The following MAMDC2 variants were observed in gnomAD, a reference collection of about 807,000 sequenced individuals.
The protein encoded by MAMDC2 is MAM domain-containing protein 2.
In MAMDC2, 57 loss-of-function variants were observed where a neutral mutation model predicts 89.8. That is an observed-to-expected ratio of 0.63 (90% CI 0.51 to 0.79). The LOEUF is 0.79. Ranked by LOEUF, MAMDC2 falls within the 30% of genes least tolerant of loss-of-function variation. MAMDC2 has a pLI of 0.00. For synonymous variants in MAMDC2, 313 were observed against 293.4 expected (o/e 1.07, Z -0.68); for missense variants, 800 against 820.6 (o/e 0.97, Z 0.31).
chr9:70,122,159 AG>A (rs1163748018), intron 5 of MAMDC2, among the ~76,000 whole-genome samples: 3 of 152,226 alleles, frequency 2.0e-5, no homozygotes, highest in Admixed American at 6.5e-5. Flanking sequence ...GGAAAGAAAA[AG>A]GGTACAAGAG....
intron 11 of MAMDC2, among the ~76,000 whole-genome samples, chr9:70,198,082 A>G (rs2033008573): frequency 6.6e-6 from 1 of 151,304 alleles, no homozygotes; most frequent in Non-Finnish European, 1.5e-5. Context: ...ATTGTTGTTT[A>G]TCTCTTACTG....
At chr9:70,070,567 T>C (rs1827379180) in intron 2 of MAMDC2, among the ~76,000 whole-genome samples, 1 of 152,236 alleles carries the variant, frequency 6.6e-6, no homozygotes, top group South Asian at 2.1e-4. Flanking sequence ...GCTAAGCACA[T>C]AGTAGGTGTT....
In MAMDC2 at chr9:70,126,248, G is replaced by A. The variant is rs2030539966; in HGVS notation, c.733G>A (p.Gly245Ser). 6.2e-7 allele frequency: 1 copy of A among 1,614,144 alleles called. No homozygotes were observed. Among genetic ancestry groups the A allele is most frequent in the East Asian group, 2.2e-5 (1 of 44,872 alleles). Residue 245 changes from glycine to serine, a missense_variant, in exon 6 of 14, where the codon GGC (glycine) becomes AGC (serine). Gly to Ser is a moderately conservative substitution (Grantham distance 56, BLOSUM62 0). Transcript: ENST00000377182. ...CCCGTTGACCACGGCCCCCATGGCT[G>A]GCTGCCTGTCATTTTATTACCAGAT... ...ISPLTTAPMA[G>S]CLSFYYQIQQ...
At chr9:70,120,626 G>A (rs1587489009) in intron 5 of MAMDC2, among the ~76,000 whole-genome samples, 1 of 152,186 alleles carries the variant, frequency 6.6e-6, no homozygotes, top group Admixed American at 6.5e-5. Flanking sequence ...AGCTGGGGTA[G>A]GTGCCAGGGG....
chr9:70,099,985 AGAGAGAG>A (rs1828129111), intron 2 of MAMDC2, among the ~76,000 whole-genome samples: 4 of 53,636 alleles, frequency 7.5e-5, no homozygotes, highest in East Asian at 1.3e-3. Flanking sequence ...AAAGAAAGAG[AGAGAGAG>A]AGAGAGAGAG....
At chr9:70,144,565 G>A (rs2031335243) in intron 9 of MAMDC2, among the ~76,000 whole-genome samples, 1 of 152,166 alleles carries the variant, frequency 6.6e-6, no homozygotes, top group Admixed American at 6.5e-5. Flanking sequence ...CAGTCAATCA[G>A]CAAATATCTC....
intron 7 of MAMDC2, among the ~76,000 whole-genome samples, chr9:70,133,668 C>T (rs955478105): frequency 1.3e-5 from 2 of 152,172 alleles, no homozygotes; most frequent in Admixed American, 1.3e-4. Context: ...TGTTATTTAA[C>T]TTCTTTGAGA....
Position 70,226,040 on chromosome 9 carries a change from TC to T in MAMDC2, c.*9del. The T allele has an allele frequency of 6.6e-7, 1 of 1,525,006 alleles. No individual in the cohort carries two copies. Among genetic ancestry groups the T allele is most frequent in the Non-Finnish European group, 9.0e-7 (1 of 1,115,432 alleles). The allele number at this position is 1,525,006 out of a possible 1,614,324, so 94.5% of individuals were successfully genotyped here. On this transcript the variant is annotated 3_prime_UTR_variant, in exon 14 of 14. Transcript: ENST00000377182. The stretch of plus-strand genomic sequence containing the variant: ...AATGAAATTGAGTATTAAGAAATGA[TC>T]TGCATTGGATTTACTAGACGAAAAC...
At chr9:70,114,815 T>A (rs992288137) in intron 5 of MAMDC2, among the ~76,000 whole-genome samples, 1 of 152,182 alleles carries the variant, frequency 6.6e-6, no homozygotes, top group Admixed American at 6.5e-5. Flanking sequence ...ATGTGTCAAG[T>A]GCAATAAGAG....
chr9:70,131,683 G>C (rs2030811263), intron 7 of MAMDC2, 71 bp downstream of exon 7: 1 of 1,096,498 alleles, frequency 9.1e-7, no homozygotes, highest in Admixed American at 2.3e-5. Context: ...GTCAGAACTT[G>C]TTTTAATTGC....
rs1257299466 is a variant in MAMDC2 at position 70,170,539 on chromosome 9, A to G, written c.1559A>G (p.Gln520Arg). 1 of 1,613,256 alleles carries G rather than the reference A, an allele frequency of 6.2e-7. No homozygotes were observed. The highest frequency in any genetic ancestry group is 1.7e-5 in the Admixed American group (1 of 59,972). Residue 520 changes from glutamine to arginine, a missense_variant, in exon 11 of 14, where the codon CAG becomes CGG. Gln to Arg is a conservative substitution (Grantham distance 43). Coordinates refer to ENST00000377182, the MANE Select transcript of MAMDC2 (RefSeq NM_153267.5). ...TFEQDECTFT[Q>R]EKRNRSSWHR... The stretch of plus-strand genomic sequence containing the variant: ...GAGCAAGATGAATGTACATTTACTC[A>G]GGAGAAAAGAAACCGGAGCAGCTGG...
chr9:70,045,920 C>G (rs2117953349), intron 2 of MAMDC2, among the ~76,000 whole-genome samples: 1 of 152,302 alleles, frequency 6.6e-6, no homozygotes, highest in African/African-American at 2.4e-5. Flanking sequence ...CTACTACAGT[C>G]TACTTAGGGG....
intron 8 of MAMDC2, among the ~76,000 whole-genome samples, chr9:70,143,242 A>G (rs1440193165): frequency 1.3e-5 from 2 of 152,128 alleles, no homozygotes; most frequent in African/African-American, 4.8e-5. Context: ...GGCAGCTGGT[A>G]TCTCCAAGAT....
At chr9:70,119,071 T>C (rs144231677) in intron 5 of MAMDC2, among the ~76,000 whole-genome samples, 1 of 152,056 alleles carries the variant, frequency 6.6e-6, no homozygotes, top group African/African-American at 2.4e-5. Flanking sequence ...TTCTTAATTC[T>C]GATTCATCAC....
intron 11 of MAMDC2, among the ~76,000 whole-genome samples, chr9:70,198,816 A>G (rs1028824853): frequency 3.3e-5 from 5 of 152,168 alleles, no homozygotes; most frequent in Admixed American, 2.0e-4. Flanking sequence ...AAATATTAAT[A>G]ACACAATAAA....
chr9:70,149,028 CA>C (rs58600001), intron 9 of MAMDC2, among the ~76,000 whole-genome samples: 5,805 of 69,892 alleles, frequency 0.083, 222 homozygotes, highest in East Asian at 0.23. Context: ...GACTCTGTCT[CA>C]AAAAAAAAAA....
intron 9 of MAMDC2, among the ~76,000 whole-genome samples, chr9:70,162,200 G>A (rs2031997100): frequency 6.6e-6 from 1 of 152,086 alleles, no homozygotes; most frequent in South Asian, 2.1e-4. Flanking sequence ...TACTCTAAAA[G>A]GCAGTGAAAA....
At position 70,140,207 on chromosome 9, in the gene MAMDC2, CA is replaced by C; in HGVS notation, c.1059del (p.Asp354IlefsTer10). On this transcript the variant is annotated frameshift_variant, in exon 8 of 14. Transcript: ENST00000377182. LOFTEE classifies it high-confidence loss of function. ...TGAGCAAGATCTCTGCAACTTTTAC[CA>C]AGATAAAGAAGGTCCAGGTTGGACC... Reference protein sequence around the residue: ...NFEQDLCNFYQDKEGPGWTRV... With the variant: ...NFEQDLCNFYXDKEGPGWTRV... The C allele has an allele frequency of 6.3e-7, 1 of 1,595,008 alleles. No individual in the cohort carries two copies. Among genetic ancestry groups the C allele is most frequent in the Non-Finnish European group, 8.5e-7 (1 of 1,174,144 alleles).
chr9:70,074,581 T>C (rs1827486486), intron 2 of MAMDC2, among the ~76,000 whole-genome samples: 1 of 152,134 alleles, frequency 6.6e-6, no homozygotes, highest in African/African-American at 2.4e-5. Flanking sequence ...TGGCTTGCTT[T>C]CCCAGCCGCC....
Sources: gnomAD v4.1 joint callset for allele counts (sites outside exome capture counted in the v4.1 genomes callset) on GRCh38, gnomAD v4.1.1 for gene constraint, MANE v1.5 for transcripts, NCBI Gene and HGNC (gene_info 2026-07-23, HGNC 2026-07-21) for gene names.